KIAA0930: variants seen among roughly 807,000 people sequenced by gnomAD.
KIAA0930 encodes the protein uncharacterized protein KIAA0930.
In KIAA0930, 24 loss-of-function variants were observed where a neutral mutation model predicts 43.9. The observed-to-expected ratio is 0.55, with a 90% CI of 0.40 to 0.77. KIAA0930 has a LOEUF of 0.77. Among genes scored for constraint, KIAA0930 ranks in the 30% least tolerant of loss-of-function variants. KIAA0930 has a pLI of 0.00. For missense variants in KIAA0930, 461 were observed against 574.2 expected (o/e 0.80, Z 2.02); for synonymous variants, 259 against 216.4 (o/e 1.20, Z -1.73).
At chr22:45,229,425 G>C (rs202042652) in intron 1 of KIAA0930, among the ~76,000 whole-genome samples, 5 of 105,512 alleles carry the variant, frequency 4.7e-5, no homozygotes, top group Non-Finnish European at 9.1e-5. Flanking sequence ...CCAGGCATCC[G>C]TCTCTGAGCT....
At position 45,203,914 on chromosome 22, in the gene KIAA0930, G is replaced by T; in HGVS notation, c.588C>A (p.Asn196Lys). The T allele has an allele frequency of 6.2e-7, 1 of 1,613,676 alleles. No individual in the cohort carries two copies. The highest frequency in any genetic ancestry group is 8.5e-7 in the Non-Finnish European group (1 of 1,179,872). ...CCTGAAAGATGACCCCCTGGAACGT[G>T]TTGGTTTTGTCACTAGCCACCAGCT... Reference protein sequence around the residue: ...CVELVASDKTNTFQGVIFQGS... With the variant: ...CVELVASDKTKTFQGVIFQGS... The change falls in exon 6 of 10, where the codon AAC becomes AAA. Residue 196 changes from asparagine (N) to lysine (K), a missense_variant. Physicochemically the swap from Asn to Lys is moderately conservative, Grantham distance 94. Transcript: ENST00000336156.
At chr22:45,231,995 C>T (rs981034487) in intron 1 of KIAA0930, among the ~76,000 whole-genome samples, 1 of 150,482 alleles carries the variant, frequency 6.6e-6, no homozygotes, top group African/African-American at 2.5e-5. Flanking sequence ...CCTCTCAAAA[C>T]AAACAAACAA....
chr22:45,221,094 C>A (rs530128855), intron 1 of KIAA0930, among the ~76,000 whole-genome samples: 1 of 152,346 alleles, frequency 6.6e-6, no homozygotes, highest in East Asian at 1.9e-4. Flanking sequence ...ACTGAACTAT[C>A]ACCTTCTCAG....
intron 8 of KIAA0930, among the ~76,000 whole-genome samples, chr22:45,199,385 G>A (rs1441996765): frequency 6.6e-6 from 1 of 152,166 alleles, no homozygotes; most frequent in African/African-American, 2.4e-5. Context: ...TAGGCTGCAC[G>A]AGGTGGCGAC....
chr22:45,212,258 C>T (rs2083701345), intron 1 of KIAA0930, 151 bp from the exon 2 acceptor site: 1 of 1,612,996 alleles, frequency 6.2e-7, no homozygotes, highest in Non-Finnish European at 8.5e-7. Flanking sequence ...CCACTCCCGA[C>T]CCCCACCCAT....
intron 3 of KIAA0930, 23 bp downstream of exon 3, chr22:45,205,770 G>GGCGCC: frequency 6.6e-7 from 1 of 1,523,784 alleles, no homozygotes; most frequent in Non-Finnish European, 9.1e-7. Context: ...CCAATCCGCA[G>GGCGCC]CCCCACCCAT....
chr22:45,236,929 A>C (rs1272009903), intron 1 of KIAA0930, among the ~76,000 whole-genome samples: 1 of 152,212 alleles, frequency 6.6e-6, no homozygotes, highest in Non-Finnish European at 1.5e-5. Context: ...GCACAGAGAC[A>C]AGCAGCCGGA....
rs1022185397 is a variant in KIAA0930, at chr22:45,195,675, G to T, written c.*1501C>A. On this transcript the variant is annotated 3_prime_UTR_variant, in exon 10 of 10. Coordinates refer to ENST00000336156, the MANE Select transcript of KIAA0930 (RefSeq NM_001009880.2). ...GATTAGGTTATTACAAAGGGCGAGG[G>T]GGAGGAGGGCATCCCAGGAGTCTAA... The T allele has an allele frequency of 6.6e-6, 1 of 152,306 alleles. No individual in the cohort carries two copies. Among genetic ancestry groups the T allele is most frequent in the African/African-American group, 2.4e-5 (1 of 41,278 alleles). The allele number at this position is 152,306 out of a possible 1,614,324, so 9.4% of individuals were successfully genotyped here.
Position 45,194,108 on chromosome 22 carries a change from C to G in KIAA0930, c.*3068G>C, listed in dbSNP as rs1176776422. On this transcript the variant is annotated 3_prime_UTR_variant, in exon 10 of 10. Transcript: ENST00000336156. ...TTTTTTTTTGAGACAGAGTTTCGCT[C>G]TCGTTGCCCAGGCTAGAATGCAATG... 2 of 109,210 alleles carry G rather than the reference C, an allele frequency of 1.8e-5. No homozygotes were observed. Among genetic ancestry groups the G allele is most frequent in the Non-Finnish European group, 3.4e-5 (2 of 58,448 alleles). The allele number at this position is 109,210 out of a possible 1,614,324, so 6.8% of individuals were successfully genotyped here.
At chr22:45,225,322 G>A (rs1401692133) in intron 1 of KIAA0930, among the ~76,000 whole-genome samples, 1 of 152,142 alleles carries the variant, frequency 6.6e-6, no homozygotes, top group African/African-American at 2.4e-5. Flanking sequence ...ACTTGGGGGA[G>A]GGGAGCTGGA....
At chr22:45,234,562 G>C (rs527554097) in intron 1 of KIAA0930, among the ~76,000 whole-genome samples, 2 of 152,290 alleles carry the variant, frequency 1.3e-5, no homozygotes, top group Non-Finnish European at 2.9e-5. Context: ...TACCACCTAC[G>C]GTCCTACCCC....
At chr22:45,202,944 G>C in intron 7 of KIAA0930, 46 bp downstream of exon 7, 2 of 1,504,248 alleles carry the variant, frequency 1.3e-6, no homozygotes, top group Non-Finnish European at 1.8e-6. Flanking sequence ...GGTGGAAAGT[G>C]AACTTGACGG....
At chr22:45,234,091 C>A (rs146253140) in intron 1 of KIAA0930, among the ~76,000 whole-genome samples, 4 of 152,288 alleles carry the variant, frequency 2.6e-5, no homozygotes, top group African/African-American at 7.2e-5. Context: ...TTCTGAGACC[C>A]GGGGGCCTTG....
chr22:45,196,799 G>A lies in KIAA0930; in HGVS notation c.*377C>T, dbSNP rs371816813. 124 of 224,710 alleles carry A rather than the reference G, an allele frequency of 5.5e-4. No homozygotes were observed. The highest frequency in any genetic ancestry group is 4.3e-3 in the Middle Eastern group (3 of 694). 13.9% of individuals were successfully genotyped at this position (224,710 alleles called of 1,614,324 possible). On this transcript the variant is annotated 3_prime_UTR_variant, in exon 10 of 10. Coordinates refer to ENST00000336156, the MANE Select transcript of KIAA0930 (RefSeq NM_001009880.2). The surrounding 1 kb of genome is among the most constrained non-coding windows in gnomAD (Gnocchi z 4.1). Reference sequence around the variant, plus strand: ...CTGAGTGCCCTGGCTGGGTGGTTCCGCCTGCTGCTGGGGGGACGTGAACAT... The same window carrying A: ...CTGAGTGCCCTGGCTGGGTGGTTCCACCTGCTGCTGGGGGGACGTGAACAT...
chr22:45,239,980 T>C (rs1160693830), intron 1 of KIAA0930, among the ~76,000 whole-genome samples: 1 of 151,146 alleles, frequency 6.6e-6, no homozygotes, highest in Non-Finnish European at 1.5e-5. Flanking sequence ...TTCCAAACAA[T>C]ACGAGGCACC....
intron 1 of KIAA0930, among the ~76,000 whole-genome samples, chr22:45,233,674 C>T (rs1268996040): frequency 6.6e-6 from 1 of 152,122 alleles, no homozygotes; most frequent in Admixed American, 6.6e-5. Context: ...GTGGGCAGGA[C>T]AGCCGGGTTT....
chr22:45,220,994 GC>G (rs2083764582), intron 1 of KIAA0930, among the ~76,000 whole-genome samples: 2 of 150,620 alleles, frequency 1.3e-5, no homozygotes, highest in Admixed American at 1.3e-4. Context: ...TTTCCACCCT[GC>G]CCACTGTTAG....
intron 6 of KIAA0930, among the ~76,000 whole-genome samples, 153 bp downstream of exon 6, chr22:45,203,692 C>T (rs959665602): frequency 8.5e-5 from 13 of 152,274 alleles, no homozygotes; most frequent in East Asian, 1.9e-4. Context: ...GACCAGGGAG[C>T]GCCTAGAAGG....
intron 8 of KIAA0930, among the ~76,000 whole-genome samples, chr22:45,199,326 T>A (rs1468689859): frequency 6.6e-6 from 1 of 152,114 alleles, no homozygotes; most frequent in African/African-American, 2.4e-5. Flanking sequence ...AACACCCAGA[T>A]ACAGACAACC....
Sources: allele counts gnomAD v4.1 joint callset (sites outside exome capture counted in the v4.1 genomes callset), GRCh38; gene constraint gnomAD v4.1.1; non-coding constraint Gnocchi (gnomAD v3.1); transcripts MANE v1.5; gene names NCBI Gene and HGNC (gene_info 2026-07-23, HGNC 2026-07-21).